Variants in DTWD2 observed in about 807,000 individuals in gnomAD.
DTWD2 encodes the protein tRNA-uridine aminocarboxypropyltransferase 2.
In DTWD2, 39 loss-of-function variants were observed where a neutral mutation model predicts 31.8. The ratio of observed to expected loss-of-function variants is 1.22; its 90% CI spans 0.95 to 1.60. The LOEUF is 1.60. Ranked by LOEUF, DTWD2 falls within the 40% of genes most tolerant of loss-of-function variation. The pLI, the probability that DTWD2 is intolerant of heterozygous loss-of-function variation, is 0.00. For missense variants in DTWD2, 515 were observed against 381.5 expected (o/e 1.35, Z -2.92); for synonymous variants, 180 against 142.8 (o/e 1.26, Z -1.86).
chr5:118,852,666 C>G (rs116011431), intron 4 of DTWD2, among the ~76,000 whole-genome samples: 1,581 of 152,212 alleles, frequency 0.01, 28 homozygotes, highest in African/African-American at 0.036. Context: ...GTGGTGATTT[C>G]TCAAAGAAAT....
Position 118,939,263 on chromosome 5 carries a change from G to C in DTWD2, c.337C>G (p.Leu113Val). Residue 113 changes from leucine to valine, a missense_variant, in exon 3 of 6, where the codon CTA (leucine) becomes GTA (valine). Leu to Val is a conservative substitution (Grantham distance 32). Transcript: ENST00000510708. ...EENKVLRTVP[L>V]LAACLPQDKC... ...TCCTGGGGGAGGCATGCTGCTAGTA[G>C]AGGAACTGTACGCAACACTTTGTTT... The C allele has an allele frequency of 6.3e-7, 1 of 1,599,430 alleles. No individual in the cohort carries two copies. The highest frequency in any genetic ancestry group is 1.1e-5 in the South Asian group (1 of 88,720).
chr5:118,926,410 G>A (rs914524869), intron 4 of DTWD2, among the ~76,000 whole-genome samples: 5 of 152,060 alleles, frequency 3.3e-5, no homozygotes, highest in Non-Finnish European at 7.4e-5. Flanking sequence ...AGGGAGGTGA[G>A]GAGTAAAACA....
intron 4 of DTWD2, among the ~76,000 whole-genome samples, chr5:118,924,989 G>A (rs1186173575): frequency 6.6e-6 from 1 of 152,112 alleles, no homozygotes. Context: ...AGCACTCAAT[G>A]CATTAGCTAT....
At chr5:118,906,878 G>A (rs1753346156) in intron 4 of DTWD2, among the ~76,000 whole-genome samples, 1 of 152,080 alleles carries the variant, frequency 6.6e-6, no homozygotes, top group Admixed American at 6.5e-5. Flanking sequence ...AAGAATTATT[G>A]AGTCCCAAAA....
At chr5:118,988,148 A>G (rs1319976205) in intron 1 of DTWD2, 146 bp downstream of exon 1, 2 of 977,806 alleles carry the variant, frequency 2.0e-6, no homozygotes, top group African/African-American at 1.6e-5. Flanking sequence ...TGTGCCTGGC[A>G]TTTCCGAGAT....
At chr5:118,892,251 A>C (rs982868485) in intron 4 of DTWD2, among the ~76,000 whole-genome samples, 7 of 152,252 alleles carry the variant, frequency 4.6e-5, no homozygotes, top group Middle Eastern at 3.4e-3. Context: ...TCACATATCT[A>C]AGTTGTGACA....
chr5:118,955,805 A>G (rs1754571499), intron 1 of DTWD2, among the ~76,000 whole-genome samples: 1 of 152,164 alleles, frequency 6.6e-6, no homozygotes. Flanking sequence ...TCTTAAAAAA[A>G]AAAAAAAGTT....
chr5:118,907,285 G>C (rs533486379), intron 4 of DTWD2, among the ~76,000 whole-genome samples: 4 of 152,228 alleles, frequency 2.6e-5, no homozygotes, highest in African/African-American at 9.6e-5. Context: ...CATTTCAAGT[G>C]GTTATTTTAG....
intron 1 of DTWD2, among the ~76,000 whole-genome samples, chr5:118,963,853 A>G (rs1055040799): frequency 2.6e-5 from 4 of 152,172 alleles, no homozygotes; most frequent in African/African-American, 9.7e-5. Context: ...AAAGATCCTT[A>G]TGGTAACAAC....
intron 2 of DTWD2, among the ~76,000 whole-genome samples, chr5:118,941,720 T>G (rs1007682724): frequency 6.6e-6 from 1 of 152,178 alleles, no homozygotes; most frequent in African/African-American, 2.4e-5. Flanking sequence ...GGTCAAATGG[T>G]ATTTCTAGTT....
intron 4 of DTWD2, among the ~76,000 whole-genome samples, chr5:118,879,848 T>A (rs1443549574): frequency 1.3e-5 from 2 of 152,004 alleles, no homozygotes; most frequent in Non-Finnish European, 2.9e-5. Flanking sequence ...AAATAACTAA[T>A]GAATACTAGG....
At chr5:118,847,905 G>A (rs1010617889) in intron 5 of DTWD2, among the ~76,000 whole-genome samples, 185 bp downstream of exon 5, 2 of 135,710 alleles carry the variant, frequency 1.5e-5, no homozygotes, top group Admixed American at 1.4e-4. Context: ...AATATAATCT[G>A]GAATGCTAAA....
At chr5:118,913,404 T>C (rs1580802508) in intron 4 of DTWD2, among the ~76,000 whole-genome samples, 2 of 138,458 alleles carry the variant, frequency 1.4e-5, no homozygotes, top group Admixed American at 1.5e-4. Flanking sequence ...TATATAGATA[T>C]ATATAGATAT....
intron 4 of DTWD2, among the ~76,000 whole-genome samples, chr5:118,911,981 T>C (rs142553526): frequency 1.6e-3 from 237 of 152,330 alleles, no homozygotes; most frequent in Middle Eastern, 3.4e-3. Flanking sequence ...CACTCAGCTC[T>C]GGCATCTATG....
intron 5 of DTWD2, among the ~76,000 whole-genome samples, chr5:118,844,260 C>G (rs1415947916): frequency 6.6e-6 from 1 of 152,148 alleles, no homozygotes; most frequent in Admixed American, 6.5e-5. Flanking sequence ...TTGGGTAGAG[C>G]CAAAACATTC....
Position 118,972,220 on chromosome 5 carries a change from G to C in DTWD2, c.218+16074C>G, listed in dbSNP as rs141968480. Among the ~76,000 whole-genome samples, 491 of 152,170 alleles carry C rather than the reference G, an allele frequency of 3.2e-3. 2 individuals carry two copies. The highest frequency in any genetic ancestry group is 0.012 in the African/African-American group (481 of 41,534). On this transcript the variant is annotated intron_variant, in intron 1 of 5. Coordinates refer to ENST00000510708, the MANE Select transcript of DTWD2 (RefSeq NM_173666.4). ...GAGAAAAAATAACAATAAATAGACT[G>C]CTAGGTAGACTAATAAAGAAGAAAA...
chr5:118,898,586 G>A (rs966945208), intron 4 of DTWD2, among the ~76,000 whole-genome samples: 1 of 150,188 alleles, frequency 6.7e-6, no homozygotes, highest in Non-Finnish European at 1.5e-5. Context: ...TTGAACCTGG[G>A]AGGCGGAGGT....
chr5:118,915,232 T>C lies in DTWD2; in HGVS notation c.597+13305A>G, dbSNP rs552022623. 3.9e-4 allele frequency among the ~76,000 whole-genome samples: 59 copies of C among 152,178 alleles called. 1 individual carries two copies. Among genetic ancestry groups the C allele is most frequent in the African/African-American group, 1.4e-3 (57 of 41,520 alleles). ...CTCTGTCTCAAAAAATACATATATTTTTCTTAATATGGAAAAAAAAGCCTG... is the reference window on the plus strand; with the variant it reads ...CTCTGTCTCAAAAAATACATATATTCTTCTTAATATGGAAAAAAAAGCCTG... On this transcript the variant is annotated intron_variant, in intron 4 of 5. Coordinates refer to ENST00000510708, the MANE Select transcript of DTWD2 (RefSeq NM_173666.4).
intron 1 of DTWD2, among the ~76,000 whole-genome samples, chr5:118,966,988 G>A (rs898373360): frequency 1.4e-5 from 2 of 147,476 alleles, no homozygotes; most frequent in East Asian, 2.0e-4. Context: ...CCAAGATTAC[G>A]CCACTGCACT....
Sources: allele counts gnomAD v4.1 joint callset (sites outside exome capture counted in the v4.1 genomes callset), GRCh38; gene constraint gnomAD v4.1.1; transcripts MANE v1.5; gene names NCBI Gene and HGNC (gene_info 2026-07-23, HGNC 2026-07-21).